The following ATP2B2 variants were observed in gnomAD, a reference collection of about 807,000 sequenced individuals.
ATP2B2 encodes the protein ATPase plasma membrane Ca2+ transporting 2.
A neutral mutation model predicts 120.0 loss-of-function variants in ATP2B2; 15 were observed. That is an observed-to-expected ratio of 0.12 (90% CI 0.08 to 0.19). The LOEUF (loss-of-function observed/expected upper bound fraction) is 0.19. Ranked by LOEUF, ATP2B2 falls within the 10% of genes least tolerant of loss-of-function variation. The probability of loss-of-function intolerance (pLI) is 1.00; values close to 1 mark genes in which losing one functional copy is unlikely to be tolerated. For synonymous variants in ATP2B2, 694 were observed against 700.3 expected (o/e 0.99, Z 0.14); for missense variants, 1,045 against 1,719.8 (o/e 0.61, Z 6.94).
intron 14 of ATP2B2, among the ~76,000 whole-genome samples, chr3:10,353,525 G>A (rs2060634749): frequency 6.6e-6 from 1 of 152,238 alleles, no homozygotes; most frequent in Non-Finnish European, 1.5e-5. Flanking sequence ...GGGGCTGAGG[G>A]AAGATGTGGG....
intron 1 of ATP2B2, among the ~76,000 whole-genome samples, chr3:10,493,390 T>C (rs1242192387): frequency 2.0e-5 from 3 of 151,706 alleles, no homozygotes. Context: ...GCAAAGGCCC[T>C]GAGACAGGAA....
chr3:10,474,600 AG>A (rs1233169953), intron 1 of ATP2B2, among the ~76,000 whole-genome samples: 2 of 152,180 alleles, frequency 1.3e-5, no homozygotes, highest in African/African-American at 4.8e-5. Flanking sequence ...CCTCAGAACA[AG>A]GTTCAAAATC....
intron 1 of ATP2B2, among the ~76,000 whole-genome samples, chr3:10,480,095 C>T (rs1314831160): frequency 6.6e-6 from 1 of 152,184 alleles, no homozygotes; most frequent in Non-Finnish European, 1.5e-5. Context: ...GAGACCCTGC[C>T]TCACTAATTT....
intron 14 of ATP2B2, among the ~76,000 whole-genome samples, chr3:10,352,077 G>A (rs1040495542): frequency 6.6e-6 from 1 of 152,220 alleles, no homozygotes. Flanking sequence ...CCTGCCTGGG[G>A]TCTCCTTTCT....
intron 1 of ATP2B2, among the ~76,000 whole-genome samples, chr3:10,655,670 G>A (rs946190364): frequency 6.6e-6 from 1 of 152,150 alleles, no homozygotes; most frequent in Non-Finnish European, 1.5e-5. Flanking sequence ...GACTTACGTG[G>A]AGTCACCTGC....
chr3:10,466,922 G>A (rs527492211), intron 1 of ATP2B2, among the ~76,000 whole-genome samples: 44 of 152,276 alleles, frequency 2.9e-4, no homozygotes, highest in African/African-American at 1.0e-3. Flanking sequence ...CAGAGCATGC[G>A]GCCCCACAGC....
At chr3:10,445,042 T>G (rs762782929) in intron 2 of ATP2B2, among the ~76,000 whole-genome samples, 1 of 152,370 alleles carries the variant, frequency 6.6e-6, no homozygotes, top group Admixed American at 6.5e-5. Context: ...TCTGATGGCA[T>G]GTTAACTCTG....
intron 14 of ATP2B2, among the ~76,000 whole-genome samples, chr3:10,355,713 C>A (rs1243818823): frequency 1.3e-5 from 2 of 152,218 alleles, no homozygotes; most frequent in Non-Finnish European, 2.9e-5. Context: ...GCTCTGCCCC[C>A]TCAGGCCCTG....
chr3:10,386,578 C>T lies in ATP2B2; in HGVS notation c.908-66G>A, dbSNP rs111409572. Reference sequence around the variant, plus strand: ...ACACAGCCTCATCTGCCCATGCGCACGCGCACACACACAAACACACATGTG... The same window carrying T: ...ACACAGCCTCATCTGCCCATGCGCATGCGCACACACACAAACACACATGTG... On this transcript the variant is annotated intron_variant, in intron 6 of 22. Coordinates refer to ENST00000360273, the MANE Select transcript of ATP2B2 (RefSeq NM_001001331.4). The T allele has an allele frequency of 2.8e-4, 431 of 1,542,394 alleles. 5 individuals are homozygous for T. The South Asian group carries it at 2.8e-3, about 10-fold the overall frequency.
intron 1 of ATP2B2, among the ~76,000 whole-genome samples, chr3:10,470,953 C>A (rs994268210): frequency 1.3e-5 from 2 of 152,212 alleles, no homozygotes; most frequent in African/African-American, 4.8e-5. Flanking sequence ...CGGGGGACAA[C>A]AGGCCTTGCC....
intron 1 of ATP2B2, among the ~76,000 whole-genome samples, chr3:10,502,460 G>A (rs974137617): frequency 1.3e-5 from 2 of 152,330 alleles, no homozygotes; most frequent in African/African-American, 4.8e-5. Flanking sequence ...GGAAAACCAG[G>A]GGCCAACACA....
rs775507032 is a variant in ATP2B2, at chr3:10,346,070, G to A, written c.2472C>T (p.Asp824=). 2.1e-5 allele frequency: 34 copies of A among 1,612,264 alleles called. No homozygotes were observed. Among genetic ancestry groups the A allele is most frequent in the East Asian group, 6.7e-5 (3 of 44,892 alleles). ...VVAVTGDGTN[D]GPALKKADVG... Reference sequence around the variant, plus strand: ...CGTCGGCCTTCTTGAGTGCAGGCCCGTCGTTGGTCCCGTCCCCCGTCACGG... The same window carrying A: ...CGTCGGCCTTCTTGAGTGCAGGCCCATCGTTGGTCCCGTCCCCCGTCACGG... Residue 824 remains aspartate (D), a synonymous_variant, in exon 17 of 23, where the codon GAC becomes GAT. Transcript: ENST00000360273. This position sits in a 1 kb window ranked among gnomAD's most constrained non-coding sequence, Gnocchi z 4.1.
chr3:10,367,459 C>T (rs1285497785), intron 12 of ATP2B2, among the ~76,000 whole-genome samples: 2 of 152,088 alleles, frequency 1.3e-5, no homozygotes. Flanking sequence ...AAGACAGTGG[C>T]TGGCATAGCA....
intron 2 of ATP2B2, among the ~76,000 whole-genome samples, chr3:10,416,465 A>T (rs1168945307): frequency 2.6e-5 from 4 of 152,216 alleles, no homozygotes; most frequent in Non-Finnish European, 5.9e-5. Context: ...CGGTGTTTTT[A>T]AAAAAATGGA....
At chr3:10,632,158 G>A (rs187829375) in intron 1 of ATP2B2, among the ~76,000 whole-genome samples, 1 of 152,306 alleles carries the variant, frequency 6.6e-6, no homozygotes, top group Non-Finnish European at 1.5e-5. Flanking sequence ...CTTGGAGAGA[G>A]TTTTAAATGC....
At chr3:10,332,933 C>A (rs2060019699) in intron 22 of ATP2B2, among the ~76,000 whole-genome samples, 1 of 152,306 alleles carries the variant, frequency 6.6e-6, no homozygotes, top group Admixed American at 6.5e-5. Flanking sequence ...CATTAAGTTT[C>A]CGGGGCAAAA....
chr3:10,385,626 A>G lies in ATP2B2; in HGVS notation c.941-299T>C, dbSNP rs537035886. Among the ~76,000 whole-genome samples, 15 of 152,312 alleles carry G rather than the reference A, an allele frequency of 9.8e-5. No individual in the cohort carries two copies. The South Asian group carries it at 3.1e-3, about 32-fold the overall frequency. On this transcript the variant is annotated intron_variant, in intron 7 of 22. Transcript: ENST00000360273. Reference sequence around the variant, plus strand: ...GCTGAGGTCTGGACCCTGCTGGTCCAACCAGTCAAGAGAGTCCCCTGGAAG... The same window carrying G: ...GCTGAGGTCTGGACCCTGCTGGTCCGACCAGTCAAGAGAGTCCCCTGGAAG...
chr3:10,623,997 T>C (rs1185610774), intron 1 of ATP2B2, among the ~76,000 whole-genome samples: 1 of 152,170 alleles, frequency 6.6e-6, no homozygotes, highest in Admixed American at 6.5e-5. Context: ...TGGACTAGCT[T>C]AGGGTCACTC....
intron 1 of ATP2B2, among the ~76,000 whole-genome samples, chr3:10,644,590 T>A (rs2070268545): frequency 6.6e-6 from 1 of 152,144 alleles, no homozygotes; most frequent in Non-Finnish European, 1.5e-5. Flanking sequence ...TGAAAAGGAA[T>A]GAAGTACTAA....
Sources: allele counts gnomAD v4.1 joint callset (sites outside exome capture counted in the v4.1 genomes callset), GRCh38; gene constraint gnomAD v4.1.1; non-coding constraint Gnocchi (gnomAD v3.1); transcripts MANE v1.5; gene names NCBI Gene and HGNC (gene_info 2026-07-23, HGNC 2026-07-21).